Variants in DISC1 observed in about 807,000 individuals in gnomAD.
DISC1 encodes the protein disrupted in schizophrenia 1 protein.
A neutral mutation model predicts 84.5 loss-of-function variants in DISC1; 57 were observed. That is an observed-to-expected ratio of 0.67 (90% confidence interval 0.55 to 0.84). The LOEUF (loss-of-function observed/expected upper bound fraction) is 0.84, where lower values mean the gene tolerates loss of function less well. Among genes scored for constraint, DISC1 ranks in the 40% least tolerant of loss-of-function variants. The probability of loss-of-function intolerance (pLI) is 0.00; values close to 1 mark genes in which losing one functional copy is unlikely to be tolerated. For missense variants in DISC1, 1,000 were observed against 1,057.8 expected (o/e 0.95, Z 0.76); for synonymous variants, 411 against 415.2 (o/e 0.99, Z 0.12).
chr1:231,871,082 T>G (rs1186396736), intron 9 of DISC1, among the ~76,000 whole-genome samples: 1 of 152,170 alleles, frequency 6.6e-6, no homozygotes. Context: ...TGTGCGGGTC[T>G]CCACTTCTCA....
rs2076534725 is a variant in DISC1, at chr1:231,771,296, G to A, written c.1634+226G>A. Reference sequence around the variant, plus strand: ...GCCACTTAACCCACTAAATGCCAGCGACCCTCCCCATTCCAATATGCACCC... The same window carrying A: ...GCCACTTAACCCACTAAATGCCAGCAACCCTCCCCATTCCAATATGCACCC... On this transcript the variant is annotated intron_variant, in intron 6 of 12. Transcript: ENST00000439617. 1.2e-5 allele frequency: 12 copies of A among 983,650 alleles called. No homozygotes were observed. In the South Asian group the frequency reaches 1.4e-4, roughly 12 times the overall value. The allele number at this position is 983,650 out of a possible 1,614,324, so 60.9% of individuals were successfully genotyped here. A position where few individuals can be genotyped will look rare whatever the true frequency, so the allele number is the denominator to read the frequency against.
At chr1:231,928,758 CTT>C (rs921530066) in intron 9 of DISC1, among the ~76,000 whole-genome samples, 8 of 152,086 alleles carry the variant, frequency 5.3e-5, no homozygotes, top group Non-Finnish European at 1.2e-4. Context: ...AATGTTGTGA[CTT>C]TGTTCTCATT....
chr1:231,727,122 T>C (rs1041842689), intron 3 of DISC1, among the ~76,000 whole-genome samples: 1 of 152,116 alleles, frequency 6.6e-6, no homozygotes, highest in African/African-American at 2.4e-5. Flanking sequence ...GATGATAAAA[T>C]GGATGAACAT....
rs1361948938 is a variant in DISC1 at position 232,038,466 on chromosome 1, C to G, written c.*1635C>G. ...TGGTAAATACACCATACCATAATAT[C>G]TGCTTGGAGAACCACAATGCACATT... On this transcript the variant is annotated 3_prime_UTR_variant, in exon 13 of 13. Transcript: ENST00000439617. The G allele has an allele frequency of 6.6e-6, 1 of 152,152 alleles. No homozygotes were observed. The highest frequency in any genetic ancestry group is 1.5e-5 in the Non-Finnish European group (1 of 68,046). 9.4% of individuals were successfully genotyped at this position (152,152 alleles called of 1,614,324 possible).
chr1:231,884,002 C>G (rs1042975649), intron 9 of DISC1, among the ~76,000 whole-genome samples: 1 of 152,014 alleles, frequency 6.6e-6, no homozygotes, highest in African/African-American at 2.4e-5. Context: ...CTGAGGGTCC[C>G]TTGCCCAGGG....
chr1:231,682,055 A>G (rs2063753169), intron 1 of DISC1, among the ~76,000 whole-genome samples: 1 of 152,120 alleles, frequency 6.6e-6, no homozygotes, highest in African/African-American at 2.4e-5. Context: ...AAAAATAGTA[A>G]ATACCCCAAA....
chr1:232,005,967 A>G (rs1310788458), intron 10 of DISC1, among the ~76,000 whole-genome samples: 1 of 152,212 alleles, frequency 6.6e-6, no homozygotes, highest in Non-Finnish European at 1.5e-5. Context: ...AATTTTGTCA[A>G]CATTGAATTT....
chr1:231,849,609 A>C (rs924959106), intron 9 of DISC1, among the ~76,000 whole-genome samples: 2 of 152,088 alleles, frequency 1.3e-5, no homozygotes, highest in South Asian at 4.1e-4. Context: ...TGTTTCCCTC[A>C]TACCATTTTG....
intron 3 of DISC1, chr1:231,722,561 C>T (rs2069946271): frequency 2.2e-5 from 35 of 1,614,140 alleles, no homozygotes; most frequent in Non-Finnish European, 3.0e-5. Context: ...GCTTTGGATC[C>T]ACCATGGAAG....
At chr1:231,856,260 T>C in intron 9 of DISC1, among the ~76,000 whole-genome samples, 1 of 152,046 alleles carries the variant, frequency 6.6e-6, no homozygotes, top group East Asian at 1.9e-4. Context: ...GGGCAGAAAC[T>C]GTGCAATGAA....
chr1:231,685,598 G>A (rs573697905), intron 1 of DISC1, among the ~76,000 whole-genome samples: 18 of 152,152 alleles, frequency 1.2e-4, no homozygotes, highest in South Asian at 2.1e-4. Context: ...GACTGTAGGC[G>A]CCTGCCACCA....
At chr1:231,692,075 G>A (rs1158991212) in intron 1 of DISC1, among the ~76,000 whole-genome samples, 1 of 152,218 alleles carries the variant, frequency 6.6e-6, no homozygotes, top group Non-Finnish European at 1.5e-5. Context: ...TTTGGAACGA[G>A]ACAAGCCTCA....
rs577670601 is a variant in DISC1, at chr1:231,732,982, T to C, written c.1118-16944T>C. ...GTGGTGATAGGAGTGGTGGTGGTGA[T>C]GATAGGAGTGGTGGTGGTTGTAGCA... On this transcript the variant is annotated intron_variant, in intron 3 of 12. Transcript: ENST00000439617. Among the ~76,000 whole-genome samples the C allele has an allele frequency of 9.9e-5, 15 of 152,280 alleles. No homozygotes were observed. The East Asian group carries it at 2.9e-3, about 29-fold the overall frequency.
chr1:231,723,621 A>G (rs931475508), intron 3 of DISC1: 2 of 985,336 alleles, frequency 2.0e-6, no homozygotes, highest in East Asian at 2.3e-4. Flanking sequence ...GTCTTATAAC[A>G]GTCTGCTCTG....
chr1:231,795,269 C>G lies in DISC1; in HGVS notation c.1662C>G (p.Asn554Lys), dbSNP rs776852329. The part of the protein sequence containing the change: ...RSLQERIKSL[N>K]LSLKEITTKV... ...TCCAGGAAAGAATAAAATCCCTCAA[C>G]TTGTCACTTAAAGAAATCACTACTA... The change falls in exon 7 of 13, where the codon AAC (asparagine) becomes AAG (lysine). Residue 554 changes from asparagine to lysine, a missense_variant. This residue lies in a region of DISC1 where 397 missense variants were observed against 377.5 expected (regional missense o/e 1.05). Transcript: ENST00000439617. 1 of 1,613,666 alleles carries G rather than the reference C, an allele frequency of 6.2e-7. No homozygotes were observed.
At chr1:232,002,595 GCACA>G (rs55740228) in intron 10 of DISC1, among the ~76,000 whole-genome samples, 8,183 of 143,604 alleles carry the variant, frequency 0.057, 396 homozygotes, top group African/African-American at 0.14. Flanking sequence ...ATTATGCTGA[GCACA>G]CACACACACA....
intron 9 of DISC1, among the ~76,000 whole-genome samples, chr1:231,952,689 G>GTTTATATATATATATATATATA: frequency 8.2e-6 from 1 of 121,746 alleles, no homozygotes; most frequent in Non-Finnish European, 1.6e-5. Context: ...ATATATATAT[G>GTTTATATATATATATATATATA]TTTATATATA....
intron 10 of DISC1, among the ~76,000 whole-genome samples, chr1:231,974,059 C>T (rs1280465515): frequency 1.3e-5 from 2 of 152,012 alleles, no homozygotes; most frequent in African/African-American, 4.8e-5. Flanking sequence ...GTATTTCTTG[C>T]AGCCATACTC....
intron 9 of DISC1, among the ~76,000 whole-genome samples, chr1:231,886,768 T>TTCCTTTCC (rs1558691879): frequency 7.0e-5 from 2 of 28,614 alleles, no homozygotes; most frequent in East Asian, 1.4e-3. Flanking sequence ...CCTTCCTTCC[T>TTCCTTTCC]TTCTTTCTTT....
Sources: allele counts gnomAD v4.1 joint callset (sites outside exome capture counted in the v4.1 genomes callset), GRCh38; gene constraint gnomAD v4.1.1; regional missense constraint gnomAD v4.1.1; transcripts MANE v1.5; gene names NCBI Gene and HGNC (gene_info 2026-07-23, HGNC 2026-07-21).